GRID2: variants seen among roughly 807,000 people sequenced by gnomAD.
GRID2 encodes glutamate receptor ionotropic, delta-2.
Under a neutral mutation model 114.8 loss-of-function variants are expected in GRID2, and 33 were observed. That is an observed-to-expected ratio of 0.29 (90% CI 0.22 to 0.38). GRID2 has a LOEUF of 0.38. Among genes scored for constraint, GRID2 ranks in the 10% least tolerant of loss-of-function variants. The pLI is 1.00. For missense variants in GRID2, 1,184 were observed against 1,257.7 expected, an observed-to-expected ratio of 0.94 and a Z score of 0.89; for synonymous variants, 505 against 449.9, an observed-to-expected ratio of 1.12 and a Z score of -1.55.
At chr4:92,348,131 C>T (rs938197351) in intron 1 of GRID2, among the ~76,000 whole-genome samples, 13 of 151,908 alleles carry the variant, frequency 8.6e-5, no homozygotes, top group Non-Finnish European at 1.6e-4. Context: ...ACTTGTTTTA[C>T]TTTTTAAAAT....
intron 4 of GRID2, among the ~76,000 whole-genome samples, chr4:93,194,838 C>T (rs1199117011): frequency 2.0e-5 from 3 of 152,116 alleles, no homozygotes; most frequent in East Asian, 1.9e-4. Context: ...CCATGCCAGA[C>T]CTTCTAAATC....
chr4:93,621,188 C>G (rs1742188614), intron 13 of GRID2, among the ~76,000 whole-genome samples: 1 of 152,054 alleles, frequency 6.6e-6, no homozygotes, highest in Non-Finnish European at 1.5e-5. Flanking sequence ...AACCTAGCTC[C>G]TAGTGTTATC....
At chr4:92,904,003 C>T (rs889806112) in intron 2 of GRID2, among the ~76,000 whole-genome samples, 5 of 151,894 alleles carry the variant, frequency 3.3e-5, no homozygotes, top group Admixed American at 1.3e-4. Context: ...TACGATTCAA[C>T]TCAATGCAGT....
chr4:93,433,598 T>C (rs1417978289), intron 10 of GRID2, among the ~76,000 whole-genome samples: 1 of 152,214 alleles, frequency 6.6e-6, no homozygotes, highest in Non-Finnish European at 1.5e-5. Flanking sequence ...GCTCAAGCTC[T>C]TGCTCTTTTT....
intron 4 of GRID2, among the ~76,000 whole-genome samples, chr4:93,177,001 G>C (rs895410597): frequency 2.6e-5 from 4 of 152,112 alleles, no homozygotes; most frequent in African/African-American, 9.7e-5. Context: ...AACAATACAA[G>C]TATGTAAGTT....
rs1734238362 is a variant in GRID2 at position 92,692,798 on chromosome 4, G to T, written c.244+102512G>T. ...AGCACTTTGGGAGGCAGAGGTGGGT[G>T]AATCACTTGAGGTCAGGAGTTCCAG... is the stretch of plus-strand genomic sequence containing the variant. On this transcript the variant is annotated intron_variant, in intron 2 of 15. Transcript: ENST00000282020. 2.6e-5 allele frequency among the ~76,000 whole-genome samples: 4 copies of T among 152,100 alleles called. No homozygotes were observed. In the South Asian group the frequency reaches 8.3e-4, roughly 32 times the overall value.
chr4:92,688,348 C>T (rs1209824357), intron 2 of GRID2, among the ~76,000 whole-genome samples: 1 of 152,026 alleles, frequency 6.6e-6, no homozygotes, highest in Non-Finnish European at 1.5e-5. Context: ...CCACGCCCGG[C>T]CAACTCTTCT....
intron 8 of GRID2, among the ~76,000 whole-genome samples, chr4:93,368,496 G>T (rs1324770913): frequency 4.6e-5 from 7 of 151,916 alleles, no homozygotes; most frequent in African/African-American, 1.7e-4. Context: ...TTGGTGTACT[G>T]CACCCATTAA....
intron 2 of GRID2, among the ~76,000 whole-genome samples, chr4:92,847,223 TG>T (rs1387032549): frequency 6.6e-6 from 1 of 152,084 alleles, no homozygotes; most frequent in Non-Finnish European, 1.5e-5. Context: ...CTGCTTCCTT[TG>T]GAGCCTTGCC....
At chr4:92,525,953 A>G (rs1725020426) in intron 1 of GRID2, among the ~76,000 whole-genome samples, 1 of 152,082 alleles carries the variant, frequency 6.6e-6, no homozygotes, top group South Asian at 2.1e-4. Flanking sequence ...TAGAAGTGAT[A>G]AGTTTTCACA....
At chr4:92,404,287 A>G (rs1730928232) in intron 1 of GRID2, among the ~76,000 whole-genome samples, 1 of 152,164 alleles carries the variant, frequency 6.6e-6, no homozygotes, top group African/African-American at 2.4e-5. Context: ...TAGAGTTAAG[A>G]GAAAAACAAT....
intron 1 of GRID2, among the ~76,000 whole-genome samples, chr4:92,493,891 ACAT>A (rs372799948): frequency 3.2e-4 from 49 of 152,330 alleles, no homozygotes; most frequent in African/African-American, 1.2e-3. Flanking sequence ...TTGTTAGAAA[ACAT>A]CACATACATT....
chr4:93,514,422 T>TACACACACACACACAC (rs56718347), intron 12 of GRID2, among the ~76,000 whole-genome samples: 6 of 139,660 alleles, frequency 4.3e-5, no homozygotes, highest in Non-Finnish European at 6.2e-5. Flanking sequence ...ACCTCCACAG[T>TACACACACACACACAC]ACACACACAC....
intron 10 of GRID2, among the ~76,000 whole-genome samples, chr4:93,452,767 A>G (rs1174545806): frequency 6.6e-6 from 1 of 152,152 alleles, no homozygotes; most frequent in African/African-American, 2.4e-5. Context: ...AAGTGAGTTG[A>G]CCAAATAAAT....
chr4:92,461,256 T>C (rs1721482099), intron 1 of GRID2, among the ~76,000 whole-genome samples: 1 of 151,982 alleles, frequency 6.6e-6, no homozygotes, highest in South Asian at 2.1e-4. Context: ...GTTAACATCA[T>C]TGATAGGTTC....
chr4:93,761,065 T>C (rs1281988593), intron 14 of GRID2, among the ~76,000 whole-genome samples: 1 of 152,208 alleles, frequency 6.6e-6, no homozygotes, highest in Non-Finnish European at 1.5e-5. Flanking sequence ...CTTGAAGGAT[T>C]ATGTGGCCAT....
At chr4:93,207,687 GCT>G (rs1351881406) in intron 5 of GRID2, among the ~76,000 whole-genome samples, 7 of 151,854 alleles carry the variant, frequency 4.6e-5, no homozygotes, top group Non-Finnish European at 1.0e-4. Context: ...GTCTCTTTTA[GCT>G]CTTTCTGTTG....
chr4:92,771,467 G>A (rs1320780674), intron 2 of GRID2, among the ~76,000 whole-genome samples: 2 of 152,114 alleles, frequency 1.3e-5, no homozygotes, highest in Non-Finnish European at 2.9e-5. Context: ...ATACGGTGGG[G>A]AGGTCGGAGA....
At chr4:92,629,540 G>T (rs1479712557) in intron 2 of GRID2, among the ~76,000 whole-genome samples, 1 of 151,936 alleles carries the variant, frequency 6.6e-6, no homozygotes, top group Non-Finnish European at 1.5e-5. Context: ...AAATGGAATT[G>T]GATATAACAT....
Sources: gnomAD v4.1 joint callset for allele counts (sites outside exome capture counted in the v4.1 genomes callset) on GRCh38, gnomAD v4.1.1 for gene constraint, MANE v1.5 for transcripts, NCBI Gene and HGNC (gene_info 2026-07-23, HGNC 2026-07-21) for gene names.